CACNA1D: variants seen among roughly 807,000 people sequenced by gnomAD.
CACNA1D encodes voltage-dependent L-type calcium channel subunit alpha-1D.
CACNA1D carries 55 observed loss-of-function variants against 257.1 expected under a neutral mutation model. The ratio of observed to expected loss-of-function variants is 0.21; its 90% confidence interval spans 0.17 to 0.27. The LOEUF (loss-of-function observed/expected upper bound fraction) is 0.27, where lower values mean the gene tolerates loss of function less well. Among genes scored for constraint, CACNA1D ranks in the 10% least tolerant of loss-of-function variants. The probability of loss-of-function intolerance (pLI) is 1.00; values close to 1 mark genes in which losing one functional copy is unlikely to be tolerated. For synonymous variants in CACNA1D, 980 were observed against 1,014.9 expected (o/e 0.97, Z 0.65); for missense variants, 1,876 against 2,784.0 (o/e 0.67, Z 7.34).
intron 26 of CACNA1D, among the ~76,000 whole-genome samples, 174 bp downstream of exon 26, chr3:53,747,622 T>C (rs1047522429): frequency 1.3e-5 from 2 of 152,148 alleles, no homozygotes; most frequent in Non-Finnish European, 2.9e-5. Flanking sequence ...TCTTTCTGTG[T>C]AGGTGGATGA....
At chr3:53,571,882 A>G (rs2092951734) in intron 3 of CACNA1D, among the ~76,000 whole-genome samples, 2 of 152,206 alleles carry the variant, frequency 1.3e-5, no homozygotes, top group Admixed American at 6.5e-5. Flanking sequence ...AACCAGGACC[A>G]GGCTTGCTTG....
chr3:53,639,928 C>G (rs1475170618), intron 3 of CACNA1D, among the ~76,000 whole-genome samples: 2 of 141,104 alleles, frequency 1.4e-5, no homozygotes, highest in Non-Finnish European at 3.0e-5. Context: ...GCAGTGCTAT[C>G]TCGGCTCACT....
chr3:53,592,765 A>G (rs977519462), intron 3 of CACNA1D, among the ~76,000 whole-genome samples: 23 of 151,254 alleles, frequency 1.5e-4, no homozygotes, highest in Admixed American at 4.6e-4. Context: ...GTGCAATGGC[A>G]CAACCTCAGC....
chr3:53,501,690 A>C lies in CACNA1D; in HGVS notation c.453A>C (p.Glu151Asp), dbSNP rs766191935. 1 of 1,596,182 alleles carries C rather than the reference A, an allele frequency of 6.3e-7. No individual in the cohort carries two copies. Among genetic ancestry groups the C allele is most frequent in the South Asian group, 1.1e-5 (1 of 90,736 alleles). The change falls in exon 3 of 48, where the codon GAA (glutamate) becomes GAC (aspartate). Residue 151 changes from glutamate to aspartate, a missense_variant. Transcript: ENST00000350061. ...TAGCTATTTACATCCCATTCCCTGA[A>C]GATGATTCTAATTCAACAAATCATA... ...VALAIYIPFP[E>D]DDSNSTNHNL...
chr3:53,780,259 A>C, intron 38 of CACNA1D, 131 bp downstream of exon 38: 1 of 750,994 alleles, frequency 1.3e-6, no homozygotes, highest in South Asian at 1.4e-5. Flanking sequence ...AAGTAGAATG[A>C]AGATGTCCAT....
chr3:53,641,817 A>G (rs998951554), intron 3 of CACNA1D, among the ~76,000 whole-genome samples: 5 of 152,222 alleles, frequency 3.3e-5, no homozygotes, highest in African/African-American at 1.2e-4. Context: ...GCAGTGACTT[A>G]TAGGGCTCGG....
chr3:53,703,922 A>G (rs1225451246), intron 9 of CACNA1D, among the ~76,000 whole-genome samples: 4 of 152,168 alleles, frequency 2.6e-5, no homozygotes, highest in Admixed American at 2.6e-4. Context: ...GATCGAGGAC[A>G]GGGCTGGAGG....
chr3:53,553,270 T>C (rs2092571770), intron 3 of CACNA1D, among the ~76,000 whole-genome samples: 1 of 152,244 alleles, frequency 6.6e-6, no homozygotes, highest in Non-Finnish European at 1.5e-5. Flanking sequence ...AAGCTTTACT[T>C]GTGTTCAACA....
chr3:53,619,398 G>A (rs1342465544), intron 3 of CACNA1D, among the ~76,000 whole-genome samples: 3 of 152,230 alleles, frequency 2.0e-5, no homozygotes, highest in South Asian at 4.1e-4. Context: ...AATTGGCTAA[G>A]CCTCAGTGAA....
Position 53,781,497 on chromosome 3 carries a change from G to T in CACNA1D, c.4691-69G>T. The T allele has an allele frequency of 7.8e-6, 8 of 1,029,720 alleles. No homozygotes were observed. In the Middle Eastern group the frequency reaches 8.1e-4, roughly 104 times the overall value. 63.8% of individuals were successfully genotyped at this position (1,029,720 alleles called of 1,614,324 possible). On this transcript the variant is annotated intron_variant, in intron 38 of 47. Coordinates refer to ENST00000350061, the MANE Select transcript of CACNA1D (RefSeq NM_001128840.3). ...ATCCAGGTCAGGCTGGGACAAGGCT[G>T]TGCAAGCAGAGGAGGAGCTGGGGAA...
chr3:53,534,222 G>A (rs997712364), intron 3 of CACNA1D, among the ~76,000 whole-genome samples: 2 of 152,214 alleles, frequency 1.3e-5, no homozygotes, highest in African/African-American at 2.4e-5. Context: ...GAAGTGGCGT[G>A]GTGGGTAGAG....
At chr3:53,671,987 G>C (rs2094327632) in intron 7 of CACNA1D, among the ~76,000 whole-genome samples, 1 of 152,232 alleles carries the variant, frequency 6.6e-6, no homozygotes, top group African/African-American at 2.4e-5. Context: ...CCCCTGACTG[G>C]TTCTTAACAC....
At chr3:53,702,934 T>C in intron 9 of CACNA1D, 124 bp downstream of exon 9, 1 of 997,426 alleles carries the variant, frequency 1.0e-6, no homozygotes, top group South Asian at 1.4e-5. Flanking sequence ...AGCCATCTGG[T>C]CCCTTCTGCC....
chr3:53,761,036 G>C (rs1179830365), intron 29 of CACNA1D, among the ~76,000 whole-genome samples: 2 of 152,210 alleles, frequency 1.3e-5, no homozygotes, highest in East Asian at 1.9e-4. Flanking sequence ...GACTGCGAAG[G>C]TTCCATCAGG....
chr3:53,514,332 G>C (rs1439471365), intron 3 of CACNA1D, among the ~76,000 whole-genome samples: 1 of 151,524 alleles, frequency 6.6e-6, no homozygotes, highest in Non-Finnish European at 1.5e-5. Flanking sequence ...TGACCAAAGG[G>C]CAGAGCCAGA....
chr3:53,704,562 C>T (rs1202546080), intron 9 of CACNA1D, among the ~76,000 whole-genome samples: 1 of 152,188 alleles, frequency 6.6e-6, no homozygotes, highest in South Asian at 2.1e-4. Flanking sequence ...CACAGCTCTC[C>T]CCTTGGCAGT....
intron 3 of CACNA1D, among the ~76,000 whole-genome samples, chr3:53,625,099 G>T (rs970244536): frequency 2.6e-5 from 4 of 152,116 alleles, no homozygotes; most frequent in African/African-American, 9.7e-5. Context: ...CAAATCCCTG[G>T]TAGCAGGCAG....
intron 3 of CACNA1D, among the ~76,000 whole-genome samples, chr3:53,571,740 C>T (rs987087311): frequency 6.6e-6 from 1 of 152,082 alleles, no homozygotes; most frequent in African/African-American, 2.4e-5. Flanking sequence ...TTTTTTAGAC[C>T]TCCGCAATTT....
At chr3:53,584,595 C>T (rs931760958) in intron 3 of CACNA1D, among the ~76,000 whole-genome samples, 1 of 152,188 alleles carries the variant, frequency 6.6e-6, no homozygotes, top group Non-Finnish European at 1.5e-5. Flanking sequence ...AGACTCAGTG[C>T]CTGCTCTCAG....
Sources: gnomAD v4.1 joint callset for allele counts (sites outside exome capture counted in the v4.1 genomes callset) on GRCh38, gnomAD v4.1.1 for gene constraint, MANE v1.5 for transcripts, NCBI Gene and HGNC (gene_info 2026-07-23, HGNC 2026-07-21) for gene names.